Variants in HYDIN observed in about 807,000 individuals in gnomAD.
The protein encoded by HYDIN is HYDIN axonemal central pair apparatus protein.
A neutral mutation model predicts 403.9 loss-of-function variants in HYDIN; 132 were observed. The ratio of observed to expected loss-of-function variants is 0.33; its 90% CI spans 0.28 to 0.38. The LOEUF (loss-of-function observed/expected upper bound fraction) is 0.38, where lower values mean the gene tolerates loss of function less well. Ranked by LOEUF, HYDIN falls within the 10% of genes least tolerant of loss-of-function variation. The pLI is 1.00. For missense variants in HYDIN, 2,827 were observed against 5,009.5 expected, an observed-to-expected ratio of 0.56 and a Z score of 13.15; for synonymous variants, 1,202 against 1,891.7, an observed-to-expected ratio of 0.64 and a Z score of 9.46.
rs1210853961 is a variant in HYDIN at position 71,171,181 on chromosome 16, C to T, written c.516+4426G>A. 2.0e-5 allele frequency among the ~76,000 whole-genome samples: 3 copies of T among 152,294 alleles called. No homozygotes were observed. The East Asian group carries it at 5.8e-4, about 29-fold the overall frequency. ...GCCAAGCGTGTTTCTGCCACAAGGC[C>T]TTTGCACTTGCTGTTCCCGCTCCTA... On this transcript the variant is annotated intron_variant, in intron 5 of 85. Coordinates refer to ENST00000393567, the MANE Select transcript of HYDIN (RefSeq NM_001270974.2).
chr16:70,833,044 A>C lies in HYDIN; in HGVS notation c.13703T>G (p.Phe4568Cys). 3 of 1,613,232 alleles carry C rather than the reference A, an allele frequency of 1.9e-6. No homozygotes were observed. Among genetic ancestry groups the C allele is most frequent in the Non-Finnish European group, 1.7e-6 (2 of 1,179,680 alleles). ...GARFKWDIKKFEPHFSISPEE... is the reference protein window; with the variant it reads ...GARFKWDIKKCEPHFSISPEE... The stretch of plus-strand genomic sequence containing the variant: ...TGGGCTAATGGAGAAATGAGGCTCA[A>C]ATTTTTTGATGTCCCATTTAAACCT... Residue 4568 changes from phenylalanine to cysteine, a missense_variant, in exon 80 of 86, where the codon TTT (phenylalanine) becomes TGT (cysteine). Physicochemically the swap from Phe to Cys is radical, Grantham distance 205 (BLOSUM62 -2). Transcript: ENST00000393567.
At chr16:71,112,864 T>C (rs901071617) in intron 10 of HYDIN, among the ~76,000 whole-genome samples, 4 of 151,996 alleles carry the variant, frequency 2.6e-5, no homozygotes, top group Admixed American at 6.6e-5. Flanking sequence ...GTAAAGTTGA[T>C]GGAACAAAAA....
At chr16:71,000,175 C>T (rs2079657174) in intron 23 of HYDIN, among the ~76,000 whole-genome samples, 1 of 152,100 alleles carries the variant, frequency 6.6e-6, no homozygotes, top group African/African-American at 2.4e-5. Context: ...ACTCCATGAA[C>T]CAAGCGGACA....
chr16:70,917,156 A>C (rs371530240), intron 47 of HYDIN, among the ~76,000 whole-genome samples: 2 of 152,312 alleles, frequency 1.3e-5, no homozygotes, highest in African/African-American at 4.8e-5. Context: ...ATCTGGGCTC[A>C]AGCAATCTGC....
intron 10 of HYDIN, among the ~76,000 whole-genome samples, chr16:71,100,687 A>G (rs892220472): frequency 1.3e-5 from 2 of 152,236 alleles, no homozygotes; most frequent in East Asian, 1.9e-4. Context: ...TGATATCCAC[A>G]TGGGATCTGC....
chr16:71,115,515 A>C (rs1237229479), intron 10 of HYDIN, among the ~76,000 whole-genome samples, 181 bp downstream of exon 10: 1 of 152,192 alleles, frequency 6.6e-6, no homozygotes, highest in Non-Finnish European at 1.5e-5. Flanking sequence ...GATCTGTTAT[A>C]GGAAGAAGTG....
At chr16:70,992,263 C>T in intron 23 of HYDIN, 53 bp from the exon 24 acceptor site, 1 of 1,514,132 alleles carries the variant, frequency 6.6e-7, no homozygotes, top group Non-Finnish European at 8.8e-7. Context: ...TCAGTTTTTG[C>T]AAATCAGTGT....
chr16:71,222,309 C>A (rs2040839506), intron 1 of HYDIN, among the ~76,000 whole-genome samples: 1 of 152,056 alleles, frequency 6.6e-6, no homozygotes, highest in African/African-American at 2.4e-5. Flanking sequence ...AAACCCTCAA[C>A]AAAATAAGCA....
chr16:71,014,377 A>G (rs74024621), intron 23 of HYDIN, among the ~76,000 whole-genome samples: 50 of 129,700 alleles, frequency 3.9e-4, no homozygotes, highest in African/African-American at 1.6e-3. Context: ...TCATGGTAGA[A>G]GCGTGTCATT....
chr16:70,869,951 C>T (rs1052523427), intron 65 of HYDIN, among the ~76,000 whole-genome samples: 2 of 149,076 alleles, frequency 1.3e-5, no homozygotes, highest in African/African-American at 2.4e-5. Flanking sequence ...ATGATATGGA[C>T]AATGAAATCC....
intron 1 of HYDIN, among the ~76,000 whole-genome samples, chr16:71,193,905 G>A (rs1157053906): frequency 6.6e-6 from 1 of 151,962 alleles, no homozygotes; most frequent in East Asian, 1.9e-4. Flanking sequence ...AGAAAAGCCA[G>A]CAAAAATTTT....
At chr16:71,021,665 G>A (rs922310192) in intron 21 of HYDIN, among the ~76,000 whole-genome samples, 6 of 152,020 alleles carry the variant, frequency 3.9e-5, no homozygotes, top group Non-Finnish European at 7.4e-5. Context: ...ATCAGGGGGT[G>A]ACCAGGAGCC....
At chr16:71,148,764 C>A (rs373908302) in intron 7 of HYDIN, among the ~76,000 whole-genome samples, 1 of 143,486 alleles carries the variant, frequency 7.0e-6, no homozygotes, top group Admixed American at 6.7e-5. Flanking sequence ...ATATATATTT[C>A]TTTTTCTTTT....
At chr16:70,839,738 G>A (rs1412147286) in intron 76 of HYDIN, among the ~76,000 whole-genome samples, 1 of 151,028 alleles carries the variant, frequency 6.6e-6, no homozygotes, top group Non-Finnish European at 1.5e-5. Context: ...CCACTGGCCT[G>A]AGAAATTTAC....
chr16:70,859,695 T>C (rs570831417), intron 71 of HYDIN, among the ~76,000 whole-genome samples: 3 of 152,322 alleles, frequency 2.0e-5, no homozygotes, highest in Admixed American at 6.5e-5. Context: ...CCTAACCAAG[T>C]AAAAACACAT....
chr16:71,181,900 C>G (rs995083063), intron 3 of HYDIN, among the ~76,000 whole-genome samples: 1 of 152,000 alleles, frequency 6.6e-6, no homozygotes, highest in Non-Finnish European at 1.5e-5. Context: ...AGTGAAAAGG[C>G]TGTGAAAAAA....
chr16:71,002,917 A>T (rs1386722518), intron 23 of HYDIN, among the ~76,000 whole-genome samples: 1 of 151,624 alleles, frequency 6.6e-6, no homozygotes, highest in African/African-American at 2.4e-5. Context: ...ACCTTGTGTA[A>T]CCTGCCTTGG....
chr16:71,176,260 G>A (rs190203180), intron 4 of HYDIN, among the ~76,000 whole-genome samples: 84 of 150,990 alleles, frequency 5.6e-4, no homozygotes, highest in Admixed American at 5.4e-3. Flanking sequence ...AGCCGAGATC[G>A]GGCCACTGCA....
At chr16:71,023,288 C>G (rs1313166843) in intron 21 of HYDIN, among the ~76,000 whole-genome samples, 2 of 150,980 alleles carry the variant, frequency 1.3e-5, no homozygotes, top group East Asian at 3.9e-4. Flanking sequence ...CTAACAATGT[C>G]CACCTTCCCC....
Sources: allele counts gnomAD v4.1 joint callset (sites outside exome capture counted in the v4.1 genomes callset), GRCh38; gene constraint gnomAD v4.1.1; transcripts MANE v1.5; gene names NCBI Gene and HGNC (gene_info 2026-07-23, HGNC 2026-07-21).